The following SCAPER variants were observed in gnomAD, a reference collection of about 807,000 sequenced individuals.
The protein encoded by SCAPER is S phase cyclin A-associated protein in the endoplasmic reticulum.
Under a neutral mutation model 182.2 loss-of-function variants are expected in SCAPER, and 98 were observed. That is an observed-to-expected ratio of 0.54 (90% CI 0.46 to 0.64). SCAPER has a LOEUF of 0.64. Among genes scored for constraint, SCAPER ranks in the 30% least tolerant of loss-of-function variants. The probability of loss-of-function intolerance (pLI) is 0.00; values close to 1 mark genes in which losing one functional copy is unlikely to be tolerated. For missense variants in SCAPER, 1,432 were observed against 1,690.0 expected (o/e 0.85, Z 2.68); for synonymous variants, 605 against 564.6 (o/e 1.07, Z -1.01).
At chr15:76,724,244 A>G (rs894440269) in intron 17 of SCAPER, among the ~76,000 whole-genome samples, 2 of 151,734 alleles carry the variant, frequency 1.3e-5, no homozygotes, top group African/African-American at 4.8e-5. Context: ...AAGAATGTTG[A>G]ATATTGGCCC....
chr15:76,771,846 C>T lies in SCAPER; in HGVS notation c.1144G>A (p.Val382Ile), dbSNP rs1476853212. 1.2e-6 allele frequency: 2 copies of T among 1,613,056 alleles called. No homozygotes were observed. Among genetic ancestry groups the T allele is most frequent in the Admixed American group, 3.3e-5 (2 of 59,996 alleles). Residue 382 changes from valine (V) to isoleucine (I), a missense_variant, in exon 10 of 32, where the codon GTT becomes ATT. By Grantham distance (29) the Val-to-Ile change is conservative. Around this residue, in one of 5 missense-constraint regions of SCAPER, gnomAD observed 480 missense variants for 510.2 expected, o/e 0.94. Coordinates refer to ENST00000563290, the MANE Select transcript of SCAPER (RefSeq NM_020843.4). ...GGAGGTGTACCAGCTTGCAGCATAA[C>T]TGAAACACACTCTGTATCAATGTGG... ...AVHIDTECVS[V>I]MLQAGTPPLQ...
Position 76,530,178 on chromosome 15 carries a change from T to C in SCAPER, c.2839-25204A>G, listed in dbSNP as rs546995807. ...GGAATGTGCGCTAATGAGAACATAC[T>C]GCATAATACCGTTACGCCTTTTAGT... is the stretch of plus-strand genomic sequence containing the variant. On this transcript the variant is annotated intron_variant, in intron 23 of 31. Coordinates refer to ENST00000563290, the MANE Select transcript of SCAPER (RefSeq NM_020843.4). 8.5e-5 allele frequency among the ~76,000 whole-genome samples: 13 copies of C among 152,324 alleles called. No homozygotes were observed. In the South Asian group the frequency reaches 2.7e-3, roughly 32 times the overall value.
At chr15:76,773,906 A>C (rs1000448630) in intron 9 of SCAPER, among the ~76,000 whole-genome samples, 3 of 151,922 alleles carry the variant, frequency 2.0e-5, no homozygotes, top group African/African-American at 7.2e-5. Context: ...TTTTACATAA[A>C]ATTACACCAA....
Position 76,371,319 on chromosome 15 carries a change from C to CT in SCAPER, c.3855+4842dup, listed in dbSNP as rs558300032. Among the ~76,000 whole-genome samples the CT allele has an allele frequency of 5.5e-3, 760 of 137,436 alleles. 2 individuals carry two copies. Among genetic ancestry groups the CT allele is most frequent in the East Asian group, 0.016 (77 of 4,888 alleles). The allele number at this position is 137,436 out of a possible 152,430, so 90.2% of individuals were successfully genotyped here. A position where few individuals can be genotyped will look rare whatever the true frequency, so the allele number is the denominator to read the frequency against. The stretch of plus-strand genomic sequence containing the variant: ...TACCTTATAATATTTCTCTCTCTCT[C>CT]TTTTTTTTTTTTTTTGTTGAAACGG... On this transcript the variant is annotated intron_variant, in intron 29 of 31. Transcript: ENST00000563290.
chr15:76,787,368 G>C (rs555270007), intron 8 of SCAPER, among the ~76,000 whole-genome samples: 74 of 152,192 alleles, frequency 4.9e-4, no homozygotes, highest in Admixed American at 7.2e-4. Context: ...ATTCAACAGA[G>C]AAAGAAAAGA....
chr15:76,735,007 A>G (rs1320228361), intron 15 of SCAPER, among the ~76,000 whole-genome samples: 1 of 152,136 alleles, frequency 6.6e-6, no homozygotes, highest in African/African-American at 2.4e-5. Flanking sequence ...TTTTTACAAT[A>G]AAATAAAACT....
intron 23 of SCAPER, among the ~76,000 whole-genome samples, chr15:76,530,362 T>A (rs572578675): frequency 6.6e-6 from 1 of 152,368 alleles, no homozygotes; most frequent in African/African-American, 2.4e-5. Flanking sequence ...AATCCAGCTA[T>A]CAGGCATCCA....
intron 27 of SCAPER, among the ~76,000 whole-genome samples, chr15:76,381,870 C>T (rs1385491639): frequency 6.6e-6 from 1 of 152,164 alleles, no homozygotes; most frequent in Non-Finnish European, 1.5e-5. Flanking sequence ...GGCTGCCAAC[C>T]ACCCTTCCCA....
chr15:76,723,305 A>C lies in SCAPER; in HGVS notation c.2165+5290T>G, dbSNP rs187404413. Among the ~76,000 whole-genome samples the C allele has an allele frequency of 9.6e-4, 146 of 151,992 alleles. 1 individual carries two copies. The highest frequency in any genetic ancestry group is 9.6e-3 in the Admixed American group (146 of 15,246). On this transcript the variant is annotated intron_variant, in intron 17 of 31. Coordinates refer to ENST00000563290, the MANE Select transcript of SCAPER (RefSeq NM_020843.4). ...TGTGGTCTGAGAGACAGTTTGTTAT[A>C]ATTTCTCTTCTTTTACATTTGCTGA...
chr15:76,589,380 G>C (rs1026171099), intron 22 of SCAPER, among the ~76,000 whole-genome samples: 1 of 152,128 alleles, frequency 6.6e-6, no homozygotes, highest in Non-Finnish European at 1.5e-5. Flanking sequence ...TTCTCCTTGG[G>C]TGGGGCTTGC....
chr15:76,870,290 G>C (rs1215954309), intron 2 of SCAPER, among the ~76,000 whole-genome samples: 1 of 152,022 alleles, frequency 6.6e-6, no homozygotes, highest in Admixed American at 6.6e-5. Context: ...TAGGTTGATA[G>C]ACACAGCCAA....
intron 26 of SCAPER, among the ~76,000 whole-genome samples, chr15:76,411,612 A>G (rs1195277809): frequency 6.6e-6 from 1 of 152,100 alleles, no homozygotes; most frequent in Non-Finnish European, 1.5e-5. Context: ...TTTTGTGAAC[A>G]TGTGTTTTCA....
chr15:76,378,216 A>G (rs565546636), intron 28 of SCAPER, among the ~76,000 whole-genome samples: 1 of 152,272 alleles, frequency 6.6e-6, no homozygotes, highest in African/African-American at 2.4e-5. Context: ...AACATGTCTT[A>G]TATCATCTTG....
chr15:76,773,307 A>G (rs762204249), intron 9 of SCAPER, among the ~76,000 whole-genome samples: 5 of 151,912 alleles, frequency 3.3e-5, no homozygotes, highest in Non-Finnish European at 5.9e-5. Flanking sequence ...TTATACTGAA[A>G]AATTTTAGCA....
intron 21 of SCAPER, among the ~76,000 whole-genome samples, chr15:76,652,343 TACAC>T (rs1230104329): frequency 0.016 from 199 of 12,130 alleles, 8 homozygotes; most frequent in African/African-American, 0.033. Context: ...TACACATATA[TACAC>T]ACACACACAC....
intron 26 of SCAPER, among the ~76,000 whole-genome samples, chr15:76,412,150 T>C (rs770975090): frequency 6.6e-6 from 1 of 152,146 alleles, no homozygotes; most frequent in Non-Finnish European, 1.5e-5. Context: ...AACTTTCCTT[T>C]CCCTATTAAA....
Position 76,882,954 on chromosome 15 carries a change from G to A in SCAPER, c.6+858C>T, listed in dbSNP as rs929159352. Among the ~76,000 whole-genome samples the A allele has an allele frequency of 2.0e-5, 3 of 152,092 alleles. No individual in the cohort carries two copies. In the South Asian group the frequency reaches 6.2e-4, roughly 32 times the overall value. On this transcript the variant is annotated intron_variant, in intron 2 of 31. Transcript: ENST00000563290. ...GCTGGGATTACAGGCGTGAGCCACC[G>A]TGCCCGGCCCTCTCCTGCTCTTTCA...
intron 2 of SCAPER, among the ~76,000 whole-genome samples, chr15:76,866,115 C>T (rs931041065): frequency 6.6e-6 from 1 of 152,152 alleles, no homozygotes; most frequent in Non-Finnish European, 1.5e-5. Flanking sequence ...ATTGTTCTAA[C>T]CAAGGGTATC....
At chr15:76,875,647 C>G (rs994367411) in intron 2 of SCAPER, among the ~76,000 whole-genome samples, 1 of 152,152 alleles carries the variant, frequency 6.6e-6, no homozygotes, top group Non-Finnish European at 1.5e-5. Context: ...AGAATGAAGC[C>G]GCAGACCGTT....
Sources: gnomAD v4.1 joint callset for allele counts (sites outside exome capture counted in the v4.1 genomes callset) on GRCh38, gnomAD v4.1.1 for gene constraint, gnomAD v4.1.1 regional missense constraint, MANE v1.5 for transcripts, NCBI Gene and HGNC (gene_info 2026-07-23, HGNC 2026-07-21) for gene names.